The following BACH2 variants were observed in gnomAD, a reference collection of about 807,000 sequenced individuals.
The protein encoded by BACH2 is BACH transcriptional regulator 2, also known as transcription regulator protein BACH2.
BACH2 carries 5 observed loss-of-function variants against 61.8 expected under a neutral mutation model. The observed-to-expected ratio is 0.08, with a 90% confidence interval of 0.04 to 0.17. BACH2 has a LOEUF of 0.17. Ranked by LOEUF, BACH2 falls within the 10% of genes least tolerant of loss-of-function variation. BACH2 has a pLI of 1.00. For missense variants in BACH2, 824 were observed against 1,091.1 expected (o/e 0.76, Z 3.45); for synonymous variants, 446 against 440.1 (o/e 1.01, Z -0.17).
intron 4 of BACH2, among the ~76,000 whole-genome samples, chr6:90,099,575 T>C (rs1165126303): frequency 6.6e-6 from 1 of 152,104 alleles, no homozygotes; most frequent in Non-Finnish European, 1.5e-5. Context: ...TAAGGAAGAC[T>C]AAGAGAGCTG....
intron 4 of BACH2, among the ~76,000 whole-genome samples, chr6:90,160,425 A>C (rs917051820): frequency 2.6e-5 from 4 of 152,220 alleles, no homozygotes; most frequent in Admixed American, 6.5e-5. Flanking sequence ...TTAAAACACA[A>C]TTCTATAACA....
chr6:90,284,479 A>C (rs536957270), intron 1 of BACH2, among the ~76,000 whole-genome samples: 17 of 152,286 alleles, frequency 1.1e-4, no homozygotes, highest in African/African-American at 4.1e-4. Context: ...GCTGTGTAGG[A>C]GGGACGCAGC....
chr6:89,964,447 T>G (rs897305249), intron 6 of BACH2, among the ~76,000 whole-genome samples: 1 of 151,968 alleles, frequency 6.6e-6, no homozygotes, highest in Non-Finnish European at 1.5e-5. Flanking sequence ...TTTTATGTTA[T>G]TTTTTTTAAA....
At chr6:90,214,751 CTT>C (rs563651580) in intron 3 of BACH2, among the ~76,000 whole-genome samples, 549 of 94,236 alleles carry the variant, frequency 5.8e-3, no homozygotes, top group Middle Eastern at 0.016. Flanking sequence ...GATTCTGTTC[CTT>C]TTTTTTTTTT....
intron 3 of BACH2, among the ~76,000 whole-genome samples, chr6:90,216,922 T>C (rs1465429499): frequency 6.6e-6 from 1 of 152,134 alleles, no homozygotes; most frequent in African/African-American, 2.4e-5. Context: ...TGGTCCAAAA[T>C]GTCAATAGTG....
intron 5 of BACH2, among the ~76,000 whole-genome samples, chr6:90,070,267 CA>C (rs1582307141): frequency 6.6e-6 from 1 of 152,146 alleles, no homozygotes; most frequent in East Asian, 1.9e-4. Flanking sequence ...TGAACAATAT[CA>C]TTTCCATTTT....
intron 4 of BACH2, among the ~76,000 whole-genome samples, chr6:90,115,302 T>C (rs201741183): frequency 1.3e-5 from 2 of 152,226 alleles, no homozygotes; most frequent in South Asian, 2.1e-4. Flanking sequence ...CAAAACAGCA[T>C]GGTACTGGTA....
intron 4 of BACH2, among the ~76,000 whole-genome samples, chr6:90,162,004 C>G (rs746964951): frequency 6.6e-6 from 1 of 152,102 alleles, no homozygotes; most frequent in African/African-American, 2.4e-5. Context: ...AGCAGGAGTT[C>G]CTCAGAGAAG....
Position 90,086,285 on chromosome 6 carries a change from T to C in BACH2, c.-13+2676A>G, listed in dbSNP as rs572555416. Among the ~76,000 whole-genome samples the C allele has an allele frequency of 8.5e-5, 13 of 152,324 alleles. No homozygotes were observed. In the South Asian group the frequency reaches 1.7e-3, roughly 19 times the overall value. On this transcript the variant is annotated intron_variant, in intron 5 of 8. Transcript: ENST00000257749. ...CTCTGGCTACTGTGAATAATGCTGC[T>C]ATGAACATGGTTGTACACACATCTA...
intron 5 of BACH2, among the ~76,000 whole-genome samples, chr6:90,071,506 T>C (rs910443289): frequency 2.0e-5 from 3 of 152,238 alleles, no homozygotes; most frequent in South Asian, 2.1e-4. Flanking sequence ...TCCAGGCAGA[T>C]GGAAAAGATT....
intron 1 of BACH2, among the ~76,000 whole-genome samples, chr6:90,291,767 C>T (rs919823098): frequency 1.3e-5 from 2 of 152,130 alleles, no homozygotes; most frequent in African/African-American, 2.4e-5. Flanking sequence ...TCATATATTG[C>T]TATTAACAAT....
Position 89,980,653 on chromosome 6 carries a change from C to G in BACH2, c.243+27949G>C, listed in dbSNP as rs543814750. 8.5e-5 allele frequency among the ~76,000 whole-genome samples: 13 copies of G among 152,316 alleles called. 1 individual carries two copies. Among genetic ancestry groups the G allele is most frequent in the African/African-American group, 3.1e-4 (13 of 41,576 alleles). On this transcript the variant is annotated intron_variant, in intron 6 of 8. Transcript: ENST00000257749. The stretch of plus-strand genomic sequence containing the variant: ...ACTGTTTTTTGGCCCTGAGGACATT[C>G]ACCTGAGAAGACTTTGGGTCTATTA...
intron 4 of BACH2, among the ~76,000 whole-genome samples, chr6:90,171,404 C>A (rs1385758559): frequency 6.6e-6 from 1 of 151,108 alleles, no homozygotes; most frequent in African/African-American, 2.4e-5. Flanking sequence ...CAAAGTGAGA[C>A]TCTTGTCTCA....
At chr6:90,070,969 TCTTTC>T (rs1441837468) in intron 5 of BACH2, among the ~76,000 whole-genome samples, 2 of 152,186 alleles carry the variant, frequency 1.3e-5, no homozygotes, top group Admixed American at 6.5e-5. Context: ...GTTTTCCTTT[TCTTTC>T]CTTTGTTTTT....
intron 3 of BACH2, among the ~76,000 whole-genome samples, chr6:90,226,687 A>T (rs998974185): frequency 6.6e-6 from 1 of 152,114 alleles, no homozygotes; most frequent in African/African-American, 2.4e-5. Context: ...ACAGAGCCCA[A>T]GTCCTTAGAA....
At chr6:90,166,797 A>G (rs1445419289) in intron 4 of BACH2, among the ~76,000 whole-genome samples, 1 of 151,906 alleles carries the variant, frequency 6.6e-6, no homozygotes, top group East Asian at 1.9e-4. Context: ...TCAGCAAACT[A>G]TTGCAAGGAC....
In BACH2 at chr6:90,296,558, G is replaced by C; in HGVS notation, c.-524C>G. ...GCTCGCAGCCCCCTCCCGGCAGCCGGCGAGGTGGGCAGTTCGTGGGTCACC... is the reference window on the plus strand; with the variant it reads ...GCTCGCAGCCCCCTCCCGGCAGCCGCCGAGGTGGGCAGTTCGTGGGTCACC... On this transcript the variant is annotated 5_prime_UTR_variant, in exon 1 of 9. Coordinates refer to ENST00000257749, the MANE Select transcript of BACH2 (RefSeq NM_021813.4). The C allele has an allele frequency of 6.6e-6, 1 of 151,858 alleles. No homozygotes were observed. The highest frequency in any genetic ancestry group is 2.4e-5 in the African/African-American group (1 of 41,496). 9.4% of individuals were successfully genotyped at this position (151,858 alleles called of 1,614,324 possible).
intron 1 of BACH2, among the ~76,000 whole-genome samples, chr6:90,285,179 C>T (rs1262961549): frequency 6.6e-6 from 1 of 152,208 alleles, no homozygotes; most frequent in Non-Finnish European, 1.5e-5. Flanking sequence ...AACAGTGAAA[C>T]CATCTCTGAA....
intron 5 of BACH2, among the ~76,000 whole-genome samples, chr6:90,065,657 A>C (rs1384170149): frequency 6.6e-6 from 1 of 152,194 alleles, no homozygotes; most frequent in Non-Finnish European, 1.5e-5. Context: ...AGTCCAAACT[A>C]GAAGAACTGC....
Sources: gnomAD v4.1 joint callset for allele counts (sites outside exome capture counted in the v4.1 genomes callset) on GRCh38, gnomAD v4.1.1 for gene constraint, MANE v1.5 for transcripts, NCBI Gene and HGNC (gene_info 2026-07-23, HGNC 2026-07-21) for gene names.